The following SLC5A3 variants were observed in gnomAD, a reference collection of about 807,000 sequenced individuals.
SLC5A3 encodes the protein sodium/myo-inositol cotransporter.
SLC5A3 carries 10 observed loss-of-function variants against 43.2 expected under a neutral mutation model. That is an observed-to-expected ratio of 0.23 (90% CI 0.14 to 0.39). The LOEUF is 0.39. Among genes scored for constraint, SLC5A3 ranks in the 10% least tolerant of loss-of-function variants. The probability of loss-of-function intolerance (pLI) is 1.00; values close to 1 mark genes in which losing one functional copy is unlikely to be tolerated. For synonymous variants in SLC5A3, 349 were observed against 322.0 expected, an observed-to-expected ratio of 1.08 and a Z score of -0.90; for missense variants, 608 against 893.4, an observed-to-expected ratio of 0.68 and a Z score of 4.07.
chr21:34,086,700 T>G lies in SLC5A3; in HGVS notation c.-336-8163T>G, dbSNP rs566668960. Among the ~76,000 whole-genome samples the G allele has an allele frequency of 1.7e-3, 256 of 152,310 alleles. 2 individuals carry two copies. The highest frequency in any genetic ancestry group is 6.8e-3 in the Middle Eastern group (2 of 294). On this transcript the variant is annotated intron_variant, in intron 1 of 1. Transcript: ENST00000381151. Reference sequence around the variant, plus strand: ...TCATGTCTGCCTCTTGGGGTTTTTGTTAGGATTAGATGAGCTCAAACATGT... The same window carrying G: ...TCATGTCTGCCTCTTGGGGTTTTTGGTAGGATTAGATGAGCTCAAACATGT...
In SLC5A3 at chr21:34,103,728, G is replaced by T; in HGVS notation, c.*6373G>T. The T allele has an allele frequency of 1.0e-6, 1 of 999,958 alleles. No homozygotes were observed. Among genetic ancestry groups the T allele is most frequent in the Non-Finnish European group, 1.2e-6 (1 of 829,824 alleles). The allele number at this position is 999,958 out of a possible 1,614,324, so 61.9% of individuals were successfully genotyped here. On this transcript the variant is annotated 3_prime_UTR_variant, in exon 2 of 2. Coordinates refer to ENST00000381151, the MANE Select transcript of SLC5A3 (RefSeq NM_006933.7). Reference sequence around the variant, plus strand: ...GTATTGATAAGCCCAAGACAATGCGGTATCTAAACTGGTCCTAATGGTAAG... The same window carrying T: ...GTATTGATAAGCCCAAGACAATGCGTTATCTAAACTGGTCCTAATGGTAAG...
In SLC5A3 at chr21:34,101,765, G is replaced by T; in HGVS notation, c.*4410G>T. 1.0e-6 allele frequency: 1 copy of T among 995,740 alleles called. No individual in the cohort carries two copies. Among genetic ancestry groups the T allele is most frequent in the Non-Finnish European group, 1.2e-6 (1 of 826,184 alleles). 61.7% of individuals were successfully genotyped at this position (995,740 alleles called of 1,614,324 possible). A position where few individuals can be genotyped will look rare whatever the true frequency, so the allele number is the denominator to read the frequency against. On this transcript the variant is annotated 3_prime_UTR_variant, in exon 2 of 2. Coordinates refer to ENST00000381151, the MANE Select transcript of SLC5A3 (RefSeq NM_006933.7). ...AATATAATTATGTTTTAAGTATACT[G>T]AATTTCTGTTAGCTTAAAATGTTAA...
Position 34,102,904 on chromosome 21 carries a change from T to C in SLC5A3, c.*5549T>C, listed in dbSNP as rs746566848. ...CAGTGAATTCGACAACCGCACAAGT[T>C]GGCAGTAGGTATCCCCAACCTAATT... On this transcript the variant is annotated 3_prime_UTR_variant, in exon 2 of 2. Coordinates refer to ENST00000381151, the MANE Select transcript of SLC5A3 (RefSeq NM_006933.7). 3.0e-6 allele frequency: 3 copies of C among 999,772 alleles called. No individual in the cohort carries two copies. The highest frequency in any genetic ancestry group is 1.7e-5 in the African/African-American group (1 of 57,362). The allele number at this position is 999,772 out of a possible 1,614,324, so 61.9% of individuals were successfully genotyped here.
chr21:34,077,571 TTA>T (rs532995311), intron 1 of SLC5A3, among the ~76,000 whole-genome samples: 32 of 151,930 alleles, frequency 2.1e-4, no homozygotes, highest in African/African-American at 7.2e-4. Flanking sequence ...AAGATAGCAT[TTA>T]TATATATATA....
Position 34,096,386 on chromosome 21 carries a change from A to G in SLC5A3, c.1188A>G (p.Lys396=), listed in dbSNP as rs568072128. The part of the protein sequence containing the change: ...ASTIFTLDVY[K]LIRKSASSRE... ...CCATATTCACCCTCGATGTGTACAA[A>G]CTTATCCGCAAGAGCGCAAGCTCCC... is the stretch of plus-strand genomic sequence containing the variant. Residue 396 remains lysine (K), a synonymous_variant, in exon 2 of 2, where the codon AAA becomes AAG. Transcript: ENST00000381151. This position sits in a 1 kb window ranked among gnomAD's most constrained non-coding sequence, Gnocchi z 5.9. 4.2e-5 allele frequency: 67 copies of G among 1,614,198 alleles called. 1 individual carries two copies. In the South Asian group the frequency reaches 7.1e-4, roughly 17 times the overall value.
rs62212119 is a variant in SLC5A3 at position 34,100,690 on chromosome 21, T to G, written c.*3335T>G. On this transcript the variant is annotated 3_prime_UTR_variant, in exon 2 of 2. Transcript: ENST00000381151. ...AGTTGAGGGGGTTGTTATGCACTTCTGTAACTTGAGGCTAAGCAAGGGGTT... is the reference window on the plus strand; with the variant it reads ...AGTTGAGGGGGTTGTTATGCACTTCGGTAACTTGAGGCTAAGCAAGGGGTT... 1 of 1,000,016 alleles carries G rather than the reference T, an allele frequency of 1.0e-6. No homozygotes were observed. Among genetic ancestry groups the G allele is most frequent in the East Asian group, 1.1e-4 (1 of 8,828 alleles). The allele number at this position is 1,000,016 out of a possible 1,614,324, so 61.9% of individuals were successfully genotyped here.
intron 1 of SLC5A3, among the ~76,000 whole-genome samples, chr21:34,079,602 ATTTTTTTTTTTTTTTT>A (rs398036389): frequency 2.3e-5 from 1 of 43,658 alleles, no homozygotes; most frequent in Non-Finnish European, 4.3e-5. Context: ...GACCCAGCTA[ATTTTTTTTTTTTTTTT>A]TTTTTTTTTT....
intron 1 of SLC5A3, among the ~76,000 whole-genome samples, chr21:34,088,236 T>C (rs559603116): frequency 8.3e-3 from 1 of 120 alleles, no homozygotes; most frequent in African/African-American, 0.033. Flanking sequence ...AAGTATAGAA[T>C]ACACTTAAGA....
chr21:34,084,711 G>T (rs140313043), intron 1 of SLC5A3, among the ~76,000 whole-genome samples: 3 of 152,158 alleles, frequency 2.0e-5, no homozygotes, highest in African/African-American at 7.2e-5. Context: ...GGTAAATACA[G>T]TAGTTTAATG....
Position 34,097,610 on chromosome 21 carries a change from GAA to G in SLC5A3, c.*256_*257del. Reference sequence around the variant, plus strand: ...TTTTAAATTTTGCATACCAAAGTAAGAAGAGACCAATTATTCTCACAGAGCAC... The same window carrying G: ...TTTTAAATTTTGCATACCAAAGTAAGGAGACCAATTATTCTCACAGAGCAC... On this transcript the variant is annotated 3_prime_UTR_variant, in exon 2 of 2. Transcript: ENST00000381151. 1 of 1,208,288 alleles carries G rather than the reference GAA, an allele frequency of 8.3e-7. No individual in the cohort carries two copies. Among genetic ancestry groups the G allele is most frequent in the Non-Finnish European group, 1.0e-6 (1 of 961,652 alleles). The allele number at this position is 1,208,288 out of a possible 1,614,324, so 74.8% of individuals were successfully genotyped here.
In SLC5A3 at chr21:34,096,518, C is replaced by T. The variant is rs1472562639; in HGVS notation, c.1320C>T (p.Tyr440=). ...TGCAAGGAGGCCAGATGTACCTTTA[C>T]ATTCAGGAGGTAGCAGATTACCTGA... ...VEMQGGQMYL[Y]IQEVADYLTP... is the part of the protein sequence containing the mutation. Residue 440 remains tyrosine (Y), a synonymous_variant, in exon 2 of 2, where the codon TAC becomes TAT. Coordinates refer to ENST00000381151, the MANE Select transcript of SLC5A3 (RefSeq NM_006933.7). This position sits in a 1 kb window ranked among gnomAD's most constrained non-coding sequence, Gnocchi z 5.9. 2 of 1,614,052 alleles carry T rather than the reference C, an allele frequency of 1.2e-6. No homozygotes were observed. Among genetic ancestry groups the T allele is most frequent in the Non-Finnish European group, 1.7e-6 (2 of 1,180,016 alleles).
chr21:34,075,176 G>C (rs1989297581), intron 1 of SLC5A3, among the ~76,000 whole-genome samples: 2 of 152,174 alleles, frequency 1.3e-5, no homozygotes, highest in South Asian at 4.1e-4. Flanking sequence ...CGTGTTTTAG[G>C]GAATGTGGAA....
At chr21:34,075,650 T>G (rs979219386) in intron 1 of SLC5A3, among the ~76,000 whole-genome samples, 1 of 152,236 alleles carries the variant, frequency 6.6e-6, no homozygotes, top group Non-Finnish European at 1.5e-5. Context: ...TGGTGACTTA[T>G]GTACAATGGC....
At chr21:34,076,919 G>A (rs1989345100) in intron 1 of SLC5A3, among the ~76,000 whole-genome samples, 1 of 152,220 alleles carries the variant, frequency 6.6e-6, no homozygotes, top group African/African-American at 2.4e-5. Context: ...AGGCTGTAAT[G>A]TGAAAGGACA....
chr21:34,087,544 T>C (rs979107411), intron 1 of SLC5A3, among the ~76,000 whole-genome samples: 3 of 152,080 alleles, frequency 2.0e-5, no homozygotes, highest in Non-Finnish European at 4.4e-5. Context: ...GCGTGTTAGG[T>C]GTTGAGTACT....
At position 34,085,330 on chromosome 21, in the gene SLC5A3, A is replaced by G. The variant is rs150909889; in HGVS notation, c.-336-9533A>G. Among the ~76,000 whole-genome samples, 667 of 152,268 alleles carry G rather than the reference A, an allele frequency of 4.4e-3. 2 individuals carry two copies. Among genetic ancestry groups the G allele is most frequent in the South Asian group, 4.6e-3 (22 of 4,826 alleles). On this transcript the variant is annotated intron_variant, in intron 1 of 1. Transcript: ENST00000381151. ...GAATGAGTATTTCATAGGGATGTCA[A>G]TGCATCACACCGGGAGGCATACCAC...
chr21:34,080,442 T>C (rs1322996357), intron 1 of SLC5A3, among the ~76,000 whole-genome samples: 2 of 152,184 alleles, frequency 1.3e-5, no homozygotes, highest in African/African-American at 2.4e-5. Context: ...TTTTATTTTC[T>C]TTGGTGCCGG....
chr21:34,086,519 GT>G (rs2148655619), intron 1 of SLC5A3, among the ~76,000 whole-genome samples: 1 of 7,372 alleles, frequency 1.4e-4, no homozygotes, highest in East Asian at 0.025. Context: ...GTTTGTGTTT[GT>G]GTGTGTGTGT....
Position 34,096,946 on chromosome 21 carries a change from A to C in SLC5A3, c.1748A>C (p.Asn583Thr), listed in dbSNP as rs1414448147. 6.2e-7 allele frequency: 1 copy of C among 1,614,136 alleles called. No individual in the cohort carries two copies. Among genetic ancestry groups the C allele is most frequent in the East Asian group, 2.2e-5 (1 of 44,882 alleles). The change falls in exon 2 of 2, where the codon AAC becomes ACC. Residue 583 changes from asparagine to threonine, a missense_variant. Asn to Thr is a moderately conservative substitution (Grantham distance 65). Around this residue, in one of 2 missense-constraint regions of SLC5A3, gnomAD observed 210 missense variants for 224.8 expected, o/e 0.93. Coordinates refer to ENST00000381151, the MANE Select transcript of SLC5A3 (RefSeq NM_006933.7). The surrounding 1 kb of genome is among the most constrained non-coding windows in gnomAD (Gnocchi z 5.9). ...TGCAGTGAGAATAATGAGACCATCAACCACATCATTCCCAACGGGAAATCT... is the reference window on the plus strand; with the variant it reads ...TGCAGTGAGAATAATGAGACCATCACCCACATCATTCCCAACGGGAAATCT... ...LRCSENNETI[N>T]HIIPNGKSED...
Sources: gnomAD v4.1 joint callset for allele counts (sites outside exome capture counted in the v4.1 genomes callset) on GRCh38, gnomAD v4.1.1 for gene constraint, gnomAD v4.1.1 regional missense constraint, Gnocchi (gnomAD v3.1) non-coding constraint, MANE v1.5 for transcripts, NCBI Gene and HGNC (gene_info 2026-07-23, HGNC 2026-07-21) for gene names.